SHISA9: variants seen among roughly 807,000 people sequenced by gnomAD.
SHISA9 encodes the protein protein shisa-9.
A neutral mutation model predicts 38.0 loss-of-function variants in SHISA9; 13 were observed. That is an observed-to-expected ratio of 0.34 (90% CI 0.22 to 0.54). The LOEUF (loss-of-function observed/expected upper bound fraction) is 0.54, where lower values mean the gene tolerates loss of function less well. Ranked by LOEUF, SHISA9 falls within the 20% of genes least tolerant of loss-of-function variation. SHISA9 has a pLI of 0.91. For missense variants in SHISA9, 538 were observed against 575.8 expected (o/e 0.93, Z 0.67); for synonymous variants, 275 against 242.0 (o/e 1.14, Z -1.27).
the SHISA9 span, among the ~76,000 whole-genome samples, chr16:13,387,233 A>G: frequency 2.0e-5 from 3 of 152,218 alleles, no homozygotes; most frequent in African/African-American, 7.2e-5. Flanking sequence ...TAGTACCTCC[A>G]AATGTGACCT....
At chr16:13,432,667 G>A in the SHISA9 span, among the ~76,000 whole-genome samples, 1 of 152,124 alleles carries the variant, frequency 6.6e-6, no homozygotes, top group African/African-American at 2.4e-5. Context: ...AAGCACAGGA[G>A]TGAAAGGCAT....
At chr16:13,106,272 T>C (rs2073924392) in intron 2 of SHISA9, among the ~76,000 whole-genome samples, 1 of 152,188 alleles carries the variant, frequency 6.6e-6, no homozygotes. Flanking sequence ...GCAAAGATTG[T>C]ATACTTTTCA....
At chr16:13,338,510 A>G in the SHISA9 span, among the ~76,000 whole-genome samples, 1 of 152,216 alleles carries the variant, frequency 6.6e-6, no homozygotes, top group Non-Finnish European at 1.5e-5. Context: ...CATCATAGAT[A>G]GCCTAGGGTG....
At chr16:13,359,486 AAAAT>A in the SHISA9 span, among the ~76,000 whole-genome samples, 38 of 152,324 alleles carry the variant, frequency 2.5e-4, no homozygotes, top group East Asian at 1.4e-3. Context: ...CCATCTCAGA[AAAAT>A]AAATAAATAG....
chr16:13,127,080 G>GAGAA (rs2050265494), intron 2 of SHISA9, among the ~76,000 whole-genome samples: 1 of 144,192 alleles, frequency 6.9e-6, no homozygotes, highest in Non-Finnish European at 1.5e-5. Context: ...GAGGGAGAGA[G>GAGAA]ACAGCTGAGG....
chr16:13,255,243 T>G, the SHISA9 span, among the ~76,000 whole-genome samples: 1 of 152,102 alleles, frequency 6.6e-6, no homozygotes, highest in African/African-American at 2.4e-5. Flanking sequence ...TCTTCCCCTT[T>G]CTGTCTCTCT....
chr16:12,946,328 A>G (rs577811490), intron 2 of SHISA9, among the ~76,000 whole-genome samples: 1 of 152,278 alleles, frequency 6.6e-6, no homozygotes, highest in East Asian at 1.9e-4. Context: ...ATAGAATCTC[A>G]TAGTCTTATT....
the SHISA9 span, among the ~76,000 whole-genome samples, chr16:13,362,996 A>G: frequency 6.6e-6 from 1 of 152,222 alleles, no homozygotes; most frequent in Non-Finnish European, 1.5e-5. Flanking sequence ...TTGTGTTAGT[A>G]TTAGATTGCT....
chr16:13,019,532 C>T (rs2072797820), intron 2 of SHISA9, among the ~76,000 whole-genome samples: 1 of 151,740 alleles, frequency 6.6e-6, no homozygotes, highest in Non-Finnish European at 1.5e-5. Flanking sequence ...CTGATTTTAG[C>T]TATTTTTAGG....
the SHISA9 span, among the ~76,000 whole-genome samples, chr16:13,376,080 T>C: frequency 1.3e-5 from 2 of 152,230 alleles, no homozygotes; most frequent in Non-Finnish European, 2.9e-5. Context: ...TGGACATTGA[T>C]AATTGTGTTC....
chr16:13,204,021 A>G (rs540804522), intron 3 of SHISA9, among the ~76,000 whole-genome samples: 1 of 151,974 alleles, frequency 6.6e-6, no homozygotes, highest in East Asian at 1.9e-4. Context: ...CTACCTACCT[A>G]TGTATTATCT....
At chr16:12,913,022 A>G (rs1337498189) in intron 1 of SHISA9, among the ~76,000 whole-genome samples, 1 of 151,900 alleles carries the variant, frequency 6.6e-6, no homozygotes, top group Non-Finnish European at 1.5e-5. Flanking sequence ...GCATTTCCTG[A>G]TTTACACCGA....
intron 2 of SHISA9, among the ~76,000 whole-genome samples, chr16:12,951,362 T>C (rs2141775864): frequency 6.6e-6 from 1 of 152,204 alleles, no homozygotes; most frequent in African/African-American, 2.4e-5. Context: ...CGACACACTT[T>C]TTCTATAAAA....
chr16:13,225,488 T>C (rs545414933), intron 4 of SHISA9, among the ~76,000 whole-genome samples: 4 of 152,256 alleles, frequency 2.6e-5, no homozygotes, highest in Non-Finnish European at 4.4e-5. Context: ...TTAAGTGTAA[T>C]GAGAAGATTA....
At chr16:13,062,525 T>C (rs1018860732) in intron 2 of SHISA9, among the ~76,000 whole-genome samples, 7 of 152,170 alleles carry the variant, frequency 4.6e-5, no homozygotes, top group Non-Finnish European at 8.8e-5. Context: ...TTACTGAGGC[T>C]TCCATTGCAG....
At chr16:13,002,771 G>A (rs1187491507) in intron 2 of SHISA9, among the ~76,000 whole-genome samples, 1 of 152,064 alleles carries the variant, frequency 6.6e-6, no homozygotes, top group Non-Finnish European at 1.5e-5. Context: ...GACCTCAGGT[G>A]ATCTGCCTGC....
At chr16:13,247,007 TATA>T in the SHISA9 span, among the ~76,000 whole-genome samples, 1 of 149,556 alleles carries the variant, frequency 6.7e-6, no homozygotes, top group Non-Finnish European at 1.5e-5. Context: ...AATATAATAA[TATA>T]ATAAAAATAA....
At chr16:13,203,836 C>G (rs775819491) in intron 3 of SHISA9, among the ~76,000 whole-genome samples, 20 of 152,008 alleles carry the variant, frequency 1.3e-4, no homozygotes, top group Non-Finnish European at 2.2e-4. Context: ...ATCTACCTAC[C>G]TACATATGTA....
At chr16:13,150,693 G>A (rs925590096) in intron 2 of SHISA9, among the ~76,000 whole-genome samples, 1 of 152,102 alleles carries the variant, frequency 6.6e-6, no homozygotes, top group Non-Finnish European at 1.5e-5. Flanking sequence ...GCATCATTGC[G>A]GAGGCATTGT....
Sources: allele counts gnomAD v4.1 joint callset (sites outside exome capture counted in the v4.1 genomes callset), GRCh38; gene constraint gnomAD v4.1.1; transcripts MANE v1.5; gene names NCBI Gene and HGNC (gene_info 2026-07-23, HGNC 2026-07-21).